Variants in GRID1 observed in about 807,000 individuals in gnomAD.
GRID1 encodes the protein glutamate ionotropic receptor delta type subunit 1, also known as glutamate receptor ionotropic, delta-1.
Under a neutral mutation model 98.0 loss-of-function variants are expected in GRID1, and 28 were observed. That is an observed-to-expected ratio of 0.29 (90% CI 0.21 to 0.39). The LOEUF (loss-of-function observed/expected upper bound fraction) is 0.39, where lower values mean the gene tolerates loss of function less well. Among genes scored for constraint, GRID1 ranks in the 10% least tolerant of loss-of-function variants. The pLI is 1.00. For missense variants in GRID1, 1,111 were observed against 1,340.5 expected (o/e 0.83, Z 2.67); for synonymous variants, 553 against 538.5 (o/e 1.03, Z -0.37).
chr10:85,655,130 T>A (rs1239984296), intron 12 of GRID1, among the ~76,000 whole-genome samples: 1 of 152,210 alleles, frequency 6.6e-6, no homozygotes, highest in Non-Finnish European at 1.5e-5. Flanking sequence ...TTGGCTACCC[T>A]GCTTTTGGTG....
At chr10:86,015,634 T>C (rs1842971300) in intron 4 of GRID1, among the ~76,000 whole-genome samples, 1 of 152,206 alleles carries the variant, frequency 6.6e-6, no homozygotes, top group Non-Finnish European at 1.5e-5. Context: ...TCAGCCCTAC[T>C]GTGGCTGAGG....
chr10:86,249,166 G>C (rs749998682), intron 2 of GRID1, among the ~76,000 whole-genome samples: 39 of 152,210 alleles, frequency 2.6e-4, no homozygotes, highest in Non-Finnish European at 5.1e-4. Context: ...GCCACGATTA[G>C]GTGGGGAGAG....
In GRID1 at chr10:85,907,171, G is replaced by A. The variant is rs1178373514; in HGVS notation, c.780+9015C>T. ...CTGTTGCCCAGGTTGGAGTGCAATGGCACAATCTCGGCTCACTGCAACCTC... is the reference window on the plus strand; with the variant it reads ...CTGTTGCCCAGGTTGGAGTGCAATGACACAATCTCGGCTCACTGCAACCTC... On this transcript the variant is annotated intron_variant, in intron 5 of 15. Transcript: ENST00000327946. Among the ~76,000 whole-genome samples, 3 of 152,252 alleles carry A rather than the reference G, an allele frequency of 2.0e-5. No individual in the cohort carries two copies. The East Asian group carries it at 5.8e-4, about 29-fold the overall frequency.
rs117750354 is a variant in GRID1, at chr10:86,039,934, G to A, written c.726+98885C>T. ...TGTGACAGGAAAAGACTAGCACATG[G>A]AGTGGTAATTATCTGTCAACTTGTC... On this transcript the variant is annotated intron_variant, in intron 4 of 15. Coordinates refer to ENST00000327946, the MANE Select transcript of GRID1 (RefSeq NM_017551.3). Among the ~76,000 whole-genome samples, 1,333 of 152,278 alleles carry A rather than the reference G, an allele frequency of 8.8e-3. 5 individuals carry two copies. Among genetic ancestry groups the A allele is most frequent in the Non-Finnish European group, 0.015 (1,041 of 68,022 alleles).
intron 2 of GRID1, among the ~76,000 whole-genome samples, chr10:86,324,306 A>G (rs942449808): frequency 6.6e-6 from 1 of 152,246 alleles, no homozygotes; most frequent in Non-Finnish European, 1.5e-5. Flanking sequence ...AATTTGTTCC[A>G]GGAGACACTG....
At chr10:85,737,014 C>T (rs571456571) in intron 8 of GRID1, among the ~76,000 whole-genome samples, 63 of 152,202 alleles carry the variant, frequency 4.1e-4, no homozygotes, top group Non-Finnish European at 6.9e-4. Context: ...GTATGAGTCA[C>T]AGGAGTTGGC....
intron 4 of GRID1, among the ~76,000 whole-genome samples, chr10:85,922,010 A>T (rs1841711684): frequency 6.6e-6 from 1 of 152,064 alleles, no homozygotes; most frequent in Non-Finnish European, 1.5e-5. Flanking sequence ...CTCAATCTAG[A>T]CTCGTATCTT....
intron 3 of GRID1, among the ~76,000 whole-genome samples, chr10:86,177,757 CGT>C (rs796109525): frequency 2.6e-5 from 4 of 151,548 alleles, no homozygotes; most frequent in African/African-American, 9.7e-5. Flanking sequence ...TGTGTGCGTG[CGT>C]GTGTGTGCCT....
intron 4 of GRID1, among the ~76,000 whole-genome samples, chr10:86,102,539 G>A (rs578229766): frequency 8.5e-5 from 13 of 152,328 alleles, no homozygotes; most frequent in South Asian, 6.2e-4. Flanking sequence ...AGCCCTGCCC[G>A]GCGCTGCCAC....
intron 4 of GRID1, among the ~76,000 whole-genome samples, chr10:86,002,600 C>G (rs749276395): frequency 2.6e-5 from 4 of 152,174 alleles, no homozygotes; most frequent in South Asian, 2.1e-4. Flanking sequence ...AAACAAATGT[C>G]TCTCCACTTA....
intron 8 of GRID1, among the ~76,000 whole-genome samples, chr10:85,753,504 C>T (rs551672054): frequency 3.9e-5 from 6 of 152,310 alleles, no homozygotes; most frequent in African/African-American, 9.6e-5. Context: ...TGTCTTCCTA[C>T]ATGCCAGAAA....
Position 85,723,093 on chromosome 10 carries a change from C to T in GRID1, c.1907G>A (p.Ser636Asn). The T allele has an allele frequency of 6.2e-7, 1 of 1,611,740 alleles. No individual in the cohort carries two copies. The highest frequency in any genetic ancestry group is 8.5e-7 in the Non-Finnish European group (1 of 1,178,928). ...NSMAMRIVMG[S>N]WWLFTLIVCS... ...CACAATGAGCGTGAAGAGCCACCAGCTGCCCATCACGATGCGCATGGCCAT... is the reference window on the plus strand; with the variant it reads ...CACAATGAGCGTGAAGAGCCACCAGTTGCCCATCACGATGCGCATGGCCAT... The change falls in exon 12 of 16, where the codon AGC (serine) becomes AAC (asparagine). Residue 636 changes from serine (S) to asparagine (N), a missense_variant. This residue lies in a region of GRID1 where 762 missense variants were observed against 869.1 expected (regional missense o/e 0.88). Transcript: ENST00000327946.
intron 4 of GRID1, among the ~76,000 whole-genome samples, chr10:86,136,314 C>A (rs947766364): frequency 6.6e-6 from 1 of 152,124 alleles, no homozygotes; most frequent in East Asian, 1.9e-4. Flanking sequence ...GTATAAGCAC[C>A]CTGAGAACCT....
At position 85,979,428 on chromosome 10, in the gene GRID1, G is replaced by A. The variant is rs563654336; in HGVS notation, c.727-63189C>T. On this transcript the variant is annotated intron_variant, in intron 4 of 15. Transcript: ENST00000327946. ...AATGTATTATCTCCCAGTTCTGGAG[G>A]ATGGAAATCTGAGATTAAGGTGTCA... Among the ~76,000 whole-genome samples the A allele has an allele frequency of 5.9e-5, 9 of 152,296 alleles. No individual in the cohort carries two copies. In the South Asian group the frequency reaches 1.9e-3, roughly 32 times the overall value.
At chr10:86,086,195 C>T (rs1303716774) in intron 4 of GRID1, among the ~76,000 whole-genome samples, 1 of 152,158 alleles carries the variant, frequency 6.6e-6, no homozygotes, top group Non-Finnish European at 1.5e-5. Context: ...CACCACCCTC[C>T]ACAATTGTCT....
At chr10:85,620,407 A>ACCTACT (rs1248305444) in intron 13 of GRID1, among the ~76,000 whole-genome samples, 3 of 151,372 alleles carry the variant, frequency 2.0e-5, no homozygotes, top group Admixed American at 6.6e-5. Flanking sequence ...TGAGATTCTG[A>ACCTACT]GATCAGAAAT....
intron 4 of GRID1, among the ~76,000 whole-genome samples, chr10:86,073,663 G>T (rs1843836570): frequency 6.6e-6 from 1 of 152,206 alleles, no homozygotes. Context: ...GCTCCATTGA[G>T]CTCCGGATCA....
At chr10:85,714,421 G>T (rs1399787786) in intron 12 of GRID1, among the ~76,000 whole-genome samples, 1 of 151,502 alleles carries the variant, frequency 6.6e-6, no homozygotes, top group Non-Finnish European at 1.5e-5. Context: ...TTTAAAAAAA[G>T]AAATAAAAGA....
chr10:86,090,634 A>G (rs927842319), intron 4 of GRID1, among the ~76,000 whole-genome samples: 9 of 152,190 alleles, frequency 5.9e-5, no homozygotes, highest in Admixed American at 6.5e-5. Flanking sequence ...ACAGGGAAAC[A>G]TGACAGACAG....
Sources: allele counts gnomAD v4.1 joint callset (sites outside exome capture counted in the v4.1 genomes callset), GRCh38; gene constraint gnomAD v4.1.1; regional missense constraint gnomAD v4.1.1; transcripts MANE v1.5; gene names NCBI Gene and HGNC (gene_info 2026-07-23, HGNC 2026-07-21).